RFX4: variants seen among roughly 807,000 people sequenced by gnomAD.
RFX4 encodes the protein transcription factor RFX4.
Under a neutral mutation model 95.0 loss-of-function variants are expected in RFX4, and 10 were observed. The observed-to-expected ratio is 0.11, with a 90% CI of 0.06 to 0.18. The LOEUF is 0.18. Among genes scored for constraint, RFX4 ranks in the 10% least tolerant of loss-of-function variants. The pLI is 1.00. For synonymous variants in RFX4, 321 were observed against 340.7 expected, an observed-to-expected ratio of 0.94 and a Z score of 0.64; for missense variants, 640 against 922.0, an observed-to-expected ratio of 0.69 and a Z score of 3.96.
chr12:106,750,616 C>T, intron 16 of RFX4, 39 bp from the exon 17 acceptor site: 1 of 1,502,272 alleles, frequency 6.7e-7, no homozygotes, highest in Non-Finnish European at 8.9e-7. Flanking sequence ...TCTGTTCTTG[C>T]TATTACTCAC....
chr12:106,623,005 T>G (rs963929558), intron 2 of RFX4, among the ~76,000 whole-genome samples: 5 of 150,832 alleles, frequency 3.3e-5, no homozygotes, highest in African/African-American at 9.8e-5. Flanking sequence ...AGATTTGAAC[T>G]CAGGTCTATA....
At position 106,682,486 on chromosome 12, in the gene RFX4, G is replaced by A. The variant is rs143981259; in HGVS notation, c.377+432G>A. 2.4e-3 allele frequency: 408 copies of A among 173,544 alleles called. 4 individuals are homozygous for A. The highest frequency in any genetic ancestry group is 0.019 in the South Asian group (119 of 6,222). 10.8% of individuals were successfully genotyped at this position (173,544 alleles called of 1,614,324 possible). ...GGAGATGGGGCAGAAAGGTCCAGCT[G>A]CACCATGGTCCATGAGGGTTCACGG... On this transcript the variant is annotated intron_variant, in intron 5 of 17. Coordinates refer to ENST00000392842, the MANE Select transcript of RFX4 (RefSeq NM_213594.3).
chr12:106,607,641 GAC>G (rs1284407899), intron 1 of RFX4, among the ~76,000 whole-genome samples: 6 of 152,090 alleles, frequency 3.9e-5, no homozygotes, highest in Non-Finnish European at 8.8e-5. Context: ...AGCATAAAAA[GAC>G]ACAAAGTTTG....
rs147869501 is a variant in RFX4, at chr12:106,649,450, A to G, written c.192-4778A>G. On this transcript the variant is annotated intron_variant, in intron 3 of 17. Transcript: ENST00000392842. ...TACTTTGAGGCTCAGAAGCTCCGGA[A>G]AGAGGAACAAAACGTGGGCTGAAAT... 1.6e-4 allele frequency among the ~76,000 whole-genome samples: 24 copies of G among 152,314 alleles called. No individual in the cohort carries two copies. In the East Asian group the frequency reaches 4.6e-3, roughly 29 times the overall value.
At chr12:106,760,450 C>A (rs1176108924) in intron 17 of RFX4, among the ~76,000 whole-genome samples, 1 of 152,156 alleles carries the variant, frequency 6.6e-6, no homozygotes, top group African/African-American at 2.4e-5. Context: ...GCTACTAACA[C>A]CTGTTCCTCT....
rs571274164 is a variant in RFX4 at position 106,675,736 on chromosome 12, A to G, written c.316-6257A>G. ...TACAAGCTGAGATGTGAGGATGAGT[A>G]GACATTAGGCAGAAAAAGGGTGTGA... On this transcript the variant is annotated intron_variant, in intron 4 of 17. Transcript: ENST00000392842. Among the ~76,000 whole-genome samples, 258 of 152,324 alleles carry G rather than the reference A, an allele frequency of 1.7e-3. 2 individuals are homozygous for G. Among genetic ancestry groups the G allele is most frequent in the African/African-American group, 5.4e-3 (224 of 41,572 alleles).
Position 106,682,039 on chromosome 12 carries a change from C to T in RFX4, c.362C>T (p.Thr121Ile), listed in dbSNP as rs1388887285. The change falls in exon 5 of 18, where the codon ACC becomes ATC. Residue 121 changes from threonine (T) to isoleucine (I), a missense_variant. By Grantham distance (89) the Thr-to-Ile change is moderately conservative. Around this residue, in one of 7 missense-constraint regions of RFX4, gnomAD observed 89 missense variants for 173.8 expected, o/e 0.51. Coordinates refer to ENST00000392842, the MANE Select transcript of RFX4 (RefSeq NM_213594.3). ...FPQLTTRRLG[T>I]RGQSKYHYYG... ...CAGTTAACCACCAGAAGACTCGGGA[C>T]CCGAGGACAGTCAAAGTAAGCACCG... is the stretch of plus-strand genomic sequence containing the variant. The T allele has an allele frequency of 6.2e-7, 1 of 1,614,152 alleles. No homozygotes were observed. The highest frequency in any genetic ancestry group is 1.7e-5 in the Admixed American group (1 of 60,030).
chr12:106,607,258 T>C lies in RFX4; in HGVS notation c.44-1539T>C, dbSNP rs146447482. Among the ~76,000 whole-genome samples, 416 of 152,146 alleles carry C rather than the reference T, an allele frequency of 2.7e-3. 3 individuals carry two copies. Among genetic ancestry groups the C allele is most frequent in the Middle Eastern group, 0.014 (4 of 294 alleles). ...ACTCAGTTTACTGGAAAAATAAGCT[T>C]AGGGGCACAATGCTGAAAAACTTTG... On this transcript the variant is annotated intron_variant, in intron 1 of 17. Coordinates refer to ENST00000392842, the MANE Select transcript of RFX4 (RefSeq NM_213594.3).
At chr12:106,690,193 G>C (rs2041750157) in intron 7 of RFX4, among the ~76,000 whole-genome samples, 1 of 152,132 alleles carries the variant, frequency 6.6e-6, no homozygotes, top group Admixed American at 6.5e-5. Context: ...GTAAATGTTT[G>C]TTGAGCACTT....
chr12:106,754,448 C>T (rs1313786032), intron 17 of RFX4, among the ~76,000 whole-genome samples: 1 of 152,228 alleles, frequency 6.6e-6, no homozygotes, highest in Non-Finnish European at 1.5e-5. Context: ...GAGAAGGAGA[C>T]AGAGCATGCC....
intron 2 of RFX4, among the ~76,000 whole-genome samples, chr12:106,638,580 CA>C (rs1250909143): frequency 1.3e-5 from 2 of 152,160 alleles, no homozygotes; most frequent in Non-Finnish European, 2.9e-5. Flanking sequence ...GTTTTCATAA[CA>C]AAATACCATA....
chr12:106,659,752 A>C (rs780083054), intron 4 of RFX4, among the ~76,000 whole-genome samples: 3 of 152,212 alleles, frequency 2.0e-5, no homozygotes, highest in Admixed American at 6.5e-5. Flanking sequence ...TCACACAGCC[A>C]GTAAGTGGTG....
intron 4 of RFX4, among the ~76,000 whole-genome samples, chr12:106,668,797 G>A (rs552670908): frequency 1.6e-3 from 240 of 152,260 alleles, no homozygotes; most frequent in Admixed American, 4.4e-3. Flanking sequence ...ATGAGCTCAT[G>A]GGAAGTAACA....
chr12:106,595,503 C>T (rs953796422), intron 1 of RFX4, among the ~76,000 whole-genome samples: 1 of 152,174 alleles, frequency 6.6e-6, no homozygotes, highest in South Asian at 2.1e-4. Flanking sequence ...CACGGGCACT[C>T]CTCCCTGAGT....
chr12:106,606,705 G>A (rs916584057), intron 1 of RFX4, among the ~76,000 whole-genome samples: 1 of 152,064 alleles, frequency 6.6e-6, no homozygotes, highest in Admixed American at 6.6e-5. Flanking sequence ...CAACAAGCTG[G>A]CCCTTGTTCT....
intron 2 of RFX4, among the ~76,000 whole-genome samples, chr12:106,622,539 C>T (rs2040205622): frequency 6.6e-6 from 1 of 151,896 alleles, no homozygotes; most frequent in Non-Finnish European, 1.5e-5. Context: ...TGATTATGAG[C>T]TTTTGCTTAC....
chr12:106,684,147 A>C lies in RFX4; in HGVS notation c.377+2093A>C, dbSNP rs187520239. The stretch of plus-strand genomic sequence containing the variant: ...TTTGGGAGGCTGAGGCCCGTAGATC[A>C]CTTGAGGTCAGGAGTTCAAGATCAG... On this transcript the variant is annotated intron_variant, in intron 5 of 17. Coordinates refer to ENST00000392842, the MANE Select transcript of RFX4 (RefSeq NM_213594.3). Among the ~76,000 whole-genome samples, 689 of 152,284 alleles carry C rather than the reference A, an allele frequency of 4.5e-3. 3 individuals are homozygous for C. Among genetic ancestry groups the C allele is most frequent in the African/African-American group, 0.016 (666 of 41,552 alleles).
At chr12:106,760,049 G>A (rs1290989297) in intron 17 of RFX4, among the ~76,000 whole-genome samples, 7 of 152,174 alleles carry the variant, frequency 4.6e-5, no homozygotes, top group Non-Finnish European at 5.9e-5. Flanking sequence ...CTAGGCTTCA[G>A]CCTGTCTGTC....
chr12:106,706,194 T>A (rs1392874267), intron 8 of RFX4, among the ~76,000 whole-genome samples: 1 of 152,028 alleles, frequency 6.6e-6, no homozygotes, highest in African/African-American at 2.4e-5. Flanking sequence ...CCAGTTGGAG[T>A]TGGAGGCCAG....
Sources: gnomAD v4.1 joint callset for allele counts (sites outside exome capture counted in the v4.1 genomes callset) on GRCh38, gnomAD v4.1.1 for gene constraint, gnomAD v4.1.1 regional missense constraint, MANE v1.5 for transcripts, NCBI Gene and HGNC (gene_info 2026-07-23, HGNC 2026-07-21) for gene names.